Variants in KCTD16 observed in about 807,000 individuals in gnomAD.
The protein encoded by KCTD16 is BTB/POZ domain-containing protein KCTD16.
KCTD16 carries 13 observed loss-of-function variants against 33.2 expected under a neutral mutation model. That is an observed-to-expected ratio of 0.39 (90% CI 0.25 to 0.62). The LOEUF (loss-of-function observed/expected upper bound fraction) is 0.62. Among genes scored for constraint, KCTD16 ranks in the 20% least tolerant of loss-of-function variants. The pLI, the probability that KCTD16 is intolerant of heterozygous loss-of-function variation, is 0.50. For missense variants in KCTD16, 441 were observed against 525.1 expected (o/e 0.84, Z 1.57); for synonymous variants, 197 against 195.3 (o/e 1.01, Z -0.07).
chr5:144,305,012 T>G (rs999602714), intron 3 of KCTD16, among the ~76,000 whole-genome samples: 5 of 150,206 alleles, frequency 3.3e-5, no homozygotes, highest in Non-Finnish European at 5.9e-5. Flanking sequence ...CTGAGTTGGC[T>G]TTCCTGGGCT....
intron 3 of KCTD16, among the ~76,000 whole-genome samples, chr5:144,317,051 C>A (rs1751937242): frequency 6.6e-6 from 1 of 151,828 alleles, no homozygotes; most frequent in Non-Finnish European, 1.5e-5. Flanking sequence ...TGGTCTCGAT[C>A]TCTTGAACTC....
intron 3 of KCTD16, among the ~76,000 whole-genome samples, chr5:144,417,377 C>T (rs1753082812): frequency 1.3e-5 from 2 of 152,056 alleles, no homozygotes; most frequent in South Asian, 2.1e-4. Flanking sequence ...CTAATGAAAT[C>T]AGGCATCTTT....
intron 3 of KCTD16, among the ~76,000 whole-genome samples, chr5:144,373,412 T>A (rs966809617): frequency 8.5e-5 from 13 of 152,176 alleles, no homozygotes; most frequent in African/African-American, 1.4e-4. Context: ...GTCCAAAAAA[T>A]TTTCCATCAA....
At position 144,299,143 on chromosome 5, in the gene KCTD16, TA is replaced by T. The variant is rs1561558825; in HGVS notation, c.832+91598del. Among the ~76,000 whole-genome samples the T allele has an allele frequency of 7.4e-3, 171 of 22,998 alleles. 6 individuals carry two copies. Among genetic ancestry groups the T allele is most frequent in the Non-Finnish European group, 9.8e-3 (148 of 15,092 alleles). The allele number at this position is 22,998 out of a possible 152,430, so 15.1% of individuals were successfully genotyped here. A position where few individuals can be genotyped will look rare whatever the true frequency, so the allele number is the denominator to read the frequency against. On this transcript the variant is annotated intron_variant, in intron 3 of 3. Transcript: ENST00000512467. Reference sequence around the variant, plus strand: ...ATATATATATATATATATATATATATATATATTTTTTTTTTTTTTTTTAACC... The same window carrying T: ...ATATATATATATATATATATATATATTATATTTTTTTTTTTTTTTTTAACC...
At chr5:144,362,317 G>A (rs1190830491) in intron 3 of KCTD16, among the ~76,000 whole-genome samples, 1 of 152,152 alleles carries the variant, frequency 6.6e-6, no homozygotes, top group Admixed American at 6.6e-5. Flanking sequence ...ATGCAGATAT[G>A]GAGAGGAAGA....
chr5:144,192,647 A>T (rs1045851338), intron 2 of KCTD16, among the ~76,000 whole-genome samples: 7 of 152,154 alleles, frequency 4.6e-5, no homozygotes, highest in Non-Finnish European at 2.9e-5. Context: ...TTATGACAGA[A>T]CCTTTCAGAT....
At chr5:144,323,703 C>T (rs780323204) in intron 3 of KCTD16, among the ~76,000 whole-genome samples, 3 of 152,080 alleles carry the variant, frequency 2.0e-5, no homozygotes, top group Admixed American at 6.6e-5. Context: ...ATTCTGCTCC[C>T]CATAGTTGGA....
chr5:144,272,001 G>A (rs1198664602), intron 3 of KCTD16, among the ~76,000 whole-genome samples: 1 of 152,034 alleles, frequency 6.6e-6, no homozygotes, highest in Non-Finnish European at 1.5e-5. Flanking sequence ...AAACCCTGCT[G>A]AAATAAAGAA....
At chr5:144,271,332 A>G (rs1755288803) in intron 3 of KCTD16, among the ~76,000 whole-genome samples, 1 of 152,142 alleles carries the variant, frequency 6.6e-6, no homozygotes, top group Non-Finnish European at 1.5e-5. Flanking sequence ...TATTTTTGGA[A>G]TTCAAGGATG....
In KCTD16 at chr5:144,204,220, C is replaced by T. The variant is rs538979425; in HGVS notation, c.-326-2169C>T. ...CGTTTCTCATAAAATGTATATAATT[C>T]CTAAGTTCACCTCCATTTTTGTTTT... On this transcript the variant is annotated intron_variant, in intron 2 of 3. Transcript: ENST00000512467. Among the ~76,000 whole-genome samples, 484 of 152,308 alleles carry T rather than the reference C, an allele frequency of 3.2e-3. 1 individual carries two copies. The highest frequency in any genetic ancestry group is 5.1e-3 in the Non-Finnish European group (349 of 68,018).
intron 3 of KCTD16, among the ~76,000 whole-genome samples, chr5:144,248,509 G>A (rs1286241834): frequency 6.6e-6 from 1 of 152,166 alleles, no homozygotes; most frequent in Non-Finnish European, 1.5e-5. Context: ...GAGAACAATA[G>A]AAGATTTGGA....
chr5:144,200,954 C>T (rs1356046038), intron 2 of KCTD16, among the ~76,000 whole-genome samples: 1 of 152,224 alleles, frequency 6.6e-6, no homozygotes, highest in Non-Finnish European at 1.5e-5. Context: ...TGCTGTTGCC[C>T]AGCGTGGTCT....
At chr5:144,451,402 G>A (rs1243824895) in intron 3 of KCTD16, among the ~76,000 whole-genome samples, 1 of 152,114 alleles carries the variant, frequency 6.6e-6, no homozygotes, top group Admixed American at 6.6e-5. Flanking sequence ...TATGGACCAG[G>A]TCACCTCACA....
intron 2 of KCTD16, among the ~76,000 whole-genome samples, chr5:144,186,425 G>A (rs908696167): frequency 6.7e-6 from 1 of 148,522 alleles, no homozygotes; most frequent in Non-Finnish European, 1.5e-5. Context: ...TTGGTTTAAA[G>A]TTTAAATAAA....
chr5:144,178,839 C>G (rs1008716110), intron 2 of KCTD16, among the ~76,000 whole-genome samples: 1 of 152,102 alleles, frequency 6.6e-6, no homozygotes, highest in Non-Finnish European at 1.5e-5. Flanking sequence ...CCTTCCCACT[C>G]CCTGGAAATT....
At chr5:144,389,197 T>C (rs980706451) in intron 3 of KCTD16, among the ~76,000 whole-genome samples, 4 of 152,182 alleles carry the variant, frequency 2.6e-5, no homozygotes, top group Non-Finnish European at 5.9e-5. Context: ...GAAATCATCA[T>C]GTAGGGCAGG....
At chr5:144,260,718 C>G (rs933718834) in intron 3 of KCTD16, among the ~76,000 whole-genome samples, 1 of 149,244 alleles carries the variant, frequency 6.7e-6, no homozygotes, top group African/African-American at 2.5e-5. Context: ...TGTAGCATGT[C>G]GAAAAAGATG....
chr5:144,398,856 C>G (rs914678925), intron 3 of KCTD16, among the ~76,000 whole-genome samples: 3 of 152,046 alleles, frequency 2.0e-5, no homozygotes, highest in Non-Finnish European at 4.4e-5. Context: ...AATGTAAACA[C>G]CACTGTGCTT....
chr5:144,208,135 G>C (rs537202218), intron 3 of KCTD16, among the ~76,000 whole-genome samples: 1 of 152,176 alleles, frequency 6.6e-6, no homozygotes, highest in African/African-American at 2.4e-5. Flanking sequence ...TGATTCTGAA[G>C]CCTTTTGTAC....
Sources: gnomAD v4.1 joint callset for allele counts (sites outside exome capture counted in the v4.1 genomes callset) on GRCh38, gnomAD v4.1.1 for gene constraint, MANE v1.5 for transcripts, NCBI Gene and HGNC (gene_info 2026-07-23, HGNC 2026-07-21) for gene names.